NUP58: variants seen among roughly 807,000 people sequenced by gnomAD.
The protein encoded by NUP58 is nucleoporin 58.
In NUP58, 17 loss-of-function variants were observed where a neutral mutation model predicts 70.1. The observed-to-expected ratio is 0.24, with a 90% CI of 0.17 to 0.36. The LOEUF is 0.36. Among genes scored for constraint, NUP58 ranks in the 10% least tolerant of loss-of-function variants. The pLI is 1.00. For missense variants in NUP58, 644 were observed against 701.5 expected, an observed-to-expected ratio of 0.92 and a Z score of 0.93; for synonymous variants, 275 against 257.6, an observed-to-expected ratio of 1.07 and a Z score of -0.65.
At chr13:25,308,986 C>T (rs572485542) in intron 2 of NUP58, among the ~76,000 whole-genome samples, 395 of 152,156 alleles carry the variant, frequency 2.6e-3, no homozygotes, top group Non-Finnish European at 4.5e-3. Context: ...TTTTTTTGGT[C>T]TTGCTTAATT....
At chr13:25,318,979 C>T (rs1488289449) in intron 6 of NUP58, among the ~76,000 whole-genome samples, 2 of 152,150 alleles carry the variant, frequency 1.3e-5, no homozygotes, top group African/African-American at 4.8e-5. Flanking sequence ...GAAATTCTTG[C>T]CCTTGAAAGT....
At chr13:25,315,301 A>G (rs185921658) in intron 5 of NUP58, 56 bp from the exon 6 acceptor site, 2 of 1,251,632 alleles carry the variant, frequency 1.6e-6, no homozygotes, top group African/African-American at 1.5e-5. Flanking sequence ...TTTGATCAGT[A>G]AGGGGAAATT....
downstream of NUP58, among the ~76,000 whole-genome samples, chr13:25,344,350 A>G (rs1349752508): frequency 2.0e-5 from 3 of 152,210 alleles, no homozygotes; most frequent in East Asian, 3.9e-4. Context: ...GAAAATAAGG[A>G]TGATATACAT....
At chr13:25,322,459 C>G (rs369720639) in intron 9 of NUP58, among the ~76,000 whole-genome samples, 82 of 152,262 alleles carry the variant, frequency 5.4e-4, no homozygotes, top group South Asian at 2.9e-3. Flanking sequence ...CATCCCTAAT[C>G]CAAAATCTGA....
intron 7 of NUP58, among the ~76,000 whole-genome samples, chr13:25,319,981 AG>A (rs967088759): frequency 6.6e-5 from 10 of 152,142 alleles, no homozygotes; most frequent in African/African-American, 2.4e-4. Context: ...GCAGCATGCC[AG>A]ATGTCACTTG....
chr13:25,333,498 A>G (rs1344879040), intron 13 of NUP58: 2 of 985,294 alleles, frequency 2.0e-6, no homozygotes, highest in Admixed American at 6.2e-5. Context: ...TTATTAACCT[A>G]AACAACCTTA....
chr13:25,327,278 T>C (rs1166741376), intron 11 of NUP58, 152 bp from the exon 12 acceptor site: 2 of 577,402 alleles, frequency 3.5e-6, no homozygotes, highest in East Asian at 5.8e-5. Context: ...TTCAGTCTGC[T>C]ACTCTGTGTG....
intron 1 of NUP58, among the ~76,000 whole-genome samples, chr13:25,305,149 T>TGTTTG (rs1213480108): frequency 8.6e-5 from 10 of 115,912 alleles, no homozygotes; most frequent in South Asian, 8.4e-4. Context: ...TTTTTTTTTT[T>TGTTTG]TTTTTTTTTT....
At chr13:25,321,394 G>T (rs1347787585) in intron 9 of NUP58, among the ~76,000 whole-genome samples, 1 of 152,176 alleles carries the variant, frequency 6.6e-6, no homozygotes, top group East Asian at 1.9e-4. Flanking sequence ...AGCTTTGTTA[G>T]TAAGTTGAAG....
At chr13:25,336,396 G>T in intron 13 of NUP58, 1 of 704,886 alleles carries the variant, frequency 1.4e-6, no homozygotes, top group East Asian at 7.2e-5. Context: ...TATTTCATAT[G>T]AGAAATCATG....
At chr13:25,343,807 A>ATGTG (rs1368396517), downstream of NUP58, among the ~76,000 whole-genome samples, 1 of 35,772 alleles carries the variant, frequency 2.8e-5, no homozygotes, top group East Asian at 3.9e-4. Context: ...ATATATATGT[A>ATGTG]TATATATATA....
At chr13:25,320,254 G>T (rs2031124777) in intron 7 of NUP58, 1 of 237,724 alleles carries the variant, frequency 4.2e-6, no homozygotes, top group Admixed American at 5.7e-5. Context: ...TTTTTTGTTA[G>T]ACATTTAGTC....
At chr13:25,326,869 C>A in intron 10 of NUP58, 47 bp from the exon 11 acceptor site, 1 of 1,105,820 alleles carries the variant, frequency 9.0e-7, no homozygotes, top group Non-Finnish European at 1.3e-6. Flanking sequence ...ATTTGTCACT[C>A]CAAATTAAAA....
intron 12 of NUP58, among the ~76,000 whole-genome samples, chr13:25,328,013 A>G (rs1012465958): frequency 3.9e-5 from 6 of 152,070 alleles, no homozygotes; most frequent in Admixed American, 2.6e-4. Context: ...AGCCTGGCCA[A>G]TATGGTGAAA....
intron 3 of NUP58, among the ~76,000 whole-genome samples, chr13:25,312,448 A>G (rs1593179689): frequency 1.3e-5 from 2 of 151,766 alleles, no homozygotes; most frequent in Admixed American, 6.6e-5. Context: ...GCTCACTGCA[A>G]CCTCCCCCTC....
In NUP58 at chr13:25,340,313, G is replaced by A; in HGVS notation, c.*179G>A. ...CATACTGAACATCTTTTTTCTTGTG[G>A]AATTTAAAGTCCAGCTGTGTTTTCT... On this transcript the variant is annotated 3_prime_UTR_variant, in exon 16 of 16. Transcript: ENST00000381736. 1.9e-6 allele frequency: 1 copy of A among 535,244 alleles called. No homozygotes were observed. The highest frequency in any genetic ancestry group is 3.6e-5 in the East Asian group (1 of 28,138). The allele number at this position is 535,244 out of a possible 1,614,324, so 33.2% of individuals were successfully genotyped here. A position where few individuals can be genotyped will look rare whatever the true frequency, so the allele number is the denominator to read the frequency against.
rs1357277567 is a variant in NUP58 at position 25,327,100 on chromosome 13, A to G, written c.1150+66A>G. The G allele has an allele frequency of 9.7e-6, 9 of 926,762 alleles. No homozygotes were observed. In the Admixed American group the frequency reaches 1.1e-4, roughly 12 times the overall value. 57.4% of individuals were successfully genotyped at this position (926,762 alleles called of 1,614,324 possible). The stretch of plus-strand genomic sequence containing the variant: ...TGTAGGAGATAGATGTGGTTATATA[A>G]TAGGTATTTTGGATAACTACTGGTA... On this transcript the variant is annotated intron_variant, in intron 11 of 15. Transcript: ENST00000381736.
chr13:25,319,461 A>C, intron 7 of NUP58, 111 bp downstream of exon 7: 1 of 940,472 alleles, frequency 1.1e-6, no homozygotes, highest in Non-Finnish European at 1.6e-6. Context: ...AGGAGAAAAA[A>C]CTTTTTTGTA....
At chr13:25,318,365 C>T (rs537928454) in intron 6 of NUP58, among the ~76,000 whole-genome samples, 1 of 152,116 alleles carries the variant, frequency 6.6e-6, no homozygotes, top group African/African-American at 2.4e-5. Flanking sequence ...AGGGTTTTGC[C>T]CTGTTGCCCA....
Sources: allele counts gnomAD v4.1 joint callset (sites outside exome capture counted in the v4.1 genomes callset), GRCh38; gene constraint gnomAD v4.1.1; transcripts MANE v1.5; gene names NCBI Gene and HGNC (gene_info 2026-07-23, HGNC 2026-07-21).